Variants in NEGR1 observed in about 807,000 individuals in gnomAD.
NEGR1 encodes neuronal growth regulator 1.
NEGR1 carries 10 observed loss-of-function variants against 40.9 expected under a neutral mutation model. The observed-to-expected ratio is 0.24, with a 90% CI of 0.15 to 0.42. The LOEUF is 0.42. NEGR1 is among the 10% of genes least tolerant of loss of function. The pLI, the probability that NEGR1 is intolerant of heterozygous loss-of-function variation, is 1.00. For synonymous variants in NEGR1, 185 were observed against 166.8 expected (o/e 1.11, Z -0.84); for missense variants, 352 against 438.9 (o/e 0.80, Z 1.77).
chr1:72,246,740 T>C (rs1570170864), intron 1 of NEGR1, among the ~76,000 whole-genome samples: 1 of 152,168 alleles, frequency 6.6e-6, no homozygotes, highest in African/African-American at 2.4e-5. Context: ...AGTGGCCCAC[T>C]GGGGACTCTG....
rs538265133 is a variant in NEGR1, at chr1:71,546,290, C to T, written c.940+46527G>A. 2.0e-5 allele frequency among the ~76,000 whole-genome samples: 3 copies of T among 151,760 alleles called. No homozygotes were observed. In the South Asian group the frequency reaches 6.2e-4, roughly 32 times the overall value. ...CAGTGAAGAATAAAGCAACTTGATG[C>T]ACCTATTAATTAATGCATTTATCTA... On this transcript the variant is annotated intron_variant, in intron 6 of 6. Coordinates refer to ENST00000357731, the MANE Select transcript of NEGR1 (RefSeq NM_173808.3).
intron 1 of NEGR1, among the ~76,000 whole-genome samples, chr1:72,201,092 G>T (rs1171566149): frequency 1.3e-5 from 2 of 151,632 alleles, no homozygotes; most frequent in South Asian, 2.1e-4. Flanking sequence ...TACTCCAAAG[G>T]ATTGGAAAAT....
intron 6 of NEGR1, among the ~76,000 whole-genome samples, chr1:71,438,089 G>T (rs1053460199): frequency 6.6e-6 from 1 of 152,130 alleles, no homozygotes; most frequent in Non-Finnish European, 1.5e-5. Flanking sequence ...AAATTACAAC[G>T]CTTGTTGAGA....
intron 6 of NEGR1, among the ~76,000 whole-genome samples, chr1:71,584,302 C>T (rs1020300217): frequency 1.3e-5 from 2 of 152,010 alleles, no homozygotes; most frequent in African/African-American, 2.4e-5. Flanking sequence ...AAGAGTGGCC[C>T]ACTGAAATAT....
At chr1:71,448,696 A>G (rs1646601805) in intron 6 of NEGR1, among the ~76,000 whole-genome samples, 1 of 152,172 alleles carries the variant, frequency 6.6e-6, no homozygotes, top group Non-Finnish European at 1.5e-5. Flanking sequence ...AAAGTCTCCC[A>G]ATAGACTCAG....
Position 71,539,738 on chromosome 1 carries a change from T to C in NEGR1, c.940+53079A>G, listed in dbSNP as rs541461024. Among the ~76,000 whole-genome samples, 9 of 151,852 alleles carry C rather than the reference T, an allele frequency of 5.9e-5. 1 individual carries two copies. In the South Asian group the frequency reaches 1.9e-3, roughly 31 times the overall value. On this transcript the variant is annotated intron_variant, in intron 6 of 6. Coordinates refer to ENST00000357731, the MANE Select transcript of NEGR1 (RefSeq NM_173808.3). ...GAGACAGTATAAATATTGCCATACT[T>C]AATAGGTCAAAACTACTTTGAATAA...
intron 2 of NEGR1, among the ~76,000 whole-genome samples, chr1:71,864,308 G>A (rs1660048965): frequency 6.6e-6 from 1 of 152,144 alleles, no homozygotes; most frequent in Non-Finnish European, 1.5e-5. Flanking sequence ...CTGTAAGGAA[G>A]GTTTGTCCTG....
At chr1:71,503,400 A>G (rs12095880) in intron 6 of NEGR1, among the ~76,000 whole-genome samples, 58 of 152,204 alleles carry the variant, frequency 3.8e-4, no homozygotes, top group African/African-American at 1.3e-3. Flanking sequence ...GAGACCCCCT[A>G]CAATGCTTGC....
chr1:72,258,596 C>T (rs572670265), intron 1 of NEGR1, among the ~76,000 whole-genome samples: 75 of 152,126 alleles, frequency 4.9e-4, no homozygotes, highest in Admixed American at 9.8e-4. Flanking sequence ...CTGGATTCCA[C>T]GGGGCAATTA....
intron 4 of NEGR1, among the ~76,000 whole-genome samples, chr1:71,688,204 C>T (rs1557613577): frequency 6.7e-6 from 1 of 148,652 alleles, no homozygotes; most frequent in Admixed American, 6.8e-5. Context: ...CGTAAGTGAC[C>T]CAGGTTGAAT....
At chr1:71,899,131 T>C (rs1193195613) in intron 2 of NEGR1, among the ~76,000 whole-genome samples, 4 of 150,870 alleles carry the variant, frequency 2.7e-5, no homozygotes, top group Non-Finnish European at 5.9e-5. Context: ...GCAACTTCTT[T>C]CAGAAAAGTG....
intron 1 of NEGR1, among the ~76,000 whole-genome samples, chr1:72,136,444 T>C (rs1185688390): frequency 6.6e-6 from 1 of 151,666 alleles, no homozygotes; most frequent in Non-Finnish European, 1.5e-5. Context: ...TGAAAAAGTA[T>C]AAATGAGCTT....
intron 1 of NEGR1, among the ~76,000 whole-genome samples, chr1:72,108,451 T>C (rs1320428918): frequency 2.6e-5 from 4 of 151,626 alleles, no homozygotes; most frequent in Non-Finnish European, 5.9e-5. Context: ...AATTGGTTTG[T>C]AGGTAGATAA....
At chr1:71,867,485 A>C (rs1432568198) in intron 2 of NEGR1, among the ~76,000 whole-genome samples, 1 of 152,240 alleles carries the variant, frequency 6.6e-6, no homozygotes, top group Non-Finnish European at 1.5e-5. Flanking sequence ...TTTACATTAC[A>C]GAAATAAATA....
chr1:72,203,909 T>G (rs115570065), intron 1 of NEGR1, among the ~76,000 whole-genome samples: 1,970 of 152,224 alleles, frequency 0.013, 44 homozygotes, highest in African/African-American at 0.045. Context: ...TTAATAAATA[T>G]TCAAGTATTT....
intron 1 of NEGR1, among the ~76,000 whole-genome samples, chr1:72,019,617 A>G (rs1373966512): frequency 6.6e-6 from 1 of 152,240 alleles, no homozygotes; most frequent in Non-Finnish European, 1.5e-5. Context: ...AAGGCATTTC[A>G]AAATTGGCTT....
intron 6 of NEGR1, among the ~76,000 whole-genome samples, chr1:71,501,046 T>C (rs1431277211): frequency 1.1e-4 from 17 of 152,202 alleles, no homozygotes; most frequent in Admixed American, 9.2e-4. Context: ...CCTTTAAAAT[T>C]GTCACAGATT....
At chr1:71,607,860 AT>A (rs1190708373) in intron 5 of NEGR1, among the ~76,000 whole-genome samples, 1 of 151,942 alleles carries the variant, frequency 6.6e-6, no homozygotes, top group Non-Finnish European at 1.5e-5. Context: ...TGCCCGGCTA[AT>A]TTTTGTTAGT....
chr1:72,170,243 A>G (rs1004688895), intron 1 of NEGR1, among the ~76,000 whole-genome samples: 1 of 152,176 alleles, frequency 6.6e-6, no homozygotes, highest in Non-Finnish European at 1.5e-5. Context: ...ATTGACATGA[A>G]TCTATATTTC....
Sources: gnomAD v4.1 joint callset for allele counts (sites outside exome capture counted in the v4.1 genomes callset) on GRCh38, gnomAD v4.1.1 for gene constraint, MANE v1.5 for transcripts, NCBI Gene and HGNC (gene_info 2026-07-23, HGNC 2026-07-21) for gene names.